The following NAALADL2 variants were observed in gnomAD, a reference collection of about 807,000 sequenced individuals.
The protein encoded by NAALADL2 is inactive N-acetylated-alpha-linked acidic dipeptidase-like protein 2.
NAALADL2 carries 76 observed loss-of-function variants against 87.2 expected under a neutral mutation model. That is an observed-to-expected ratio of 0.87 (90% CI 0.72 to 1.05). The LOEUF (loss-of-function observed/expected upper bound fraction) is 1.05, where lower values mean the gene tolerates loss of function less well. Among genes scored for constraint, NAALADL2 ranks in the 50% least tolerant of loss-of-function variants. NAALADL2 has a pLI of 0.00. For synonymous variants in NAALADL2, 354 were observed against 331.0 expected (o/e 1.07, Z -0.75); for missense variants, 1,089 against 945.8 (o/e 1.15, Z -1.99).
At chr3:175,087,396 G>A (rs9850470) in intron 1 of NAALADL2, among the ~76,000 whole-genome samples, 18,221 of 152,004 alleles carry the variant, frequency 0.12, 1,129 homozygotes, top group African/African-American at 0.18. Flanking sequence ...CCGCCACCCC[G>A]TCTGGGAGGT....
intron 2 of NAALADL2, among the ~76,000 whole-genome samples, chr3:175,131,500 T>C (rs1727861554): frequency 6.6e-6 from 1 of 152,218 alleles, no homozygotes; most frequent in Non-Finnish European, 1.5e-5. Flanking sequence ...ATAATAATTT[T>C]TCTTAGTACA....
intron 5 of NAALADL2, among the ~76,000 whole-genome samples, chr3:175,386,382 G>A (rs1355388082): frequency 6.6e-6 from 1 of 151,762 alleles, no homozygotes; most frequent in East Asian, 1.9e-4. Context: ...TGACCTCTGT[G>A]TCCTCTATAA....
rs1342251446 is a variant in NAALADL2 at position 175,413,026 on chromosome 3, C to G, written c.1091-34203C>G. ...CTCCGCCTCCCGGGTTCATGCCATTCTCCTGCCTCAGCTTCCCACGCCCGG... is the reference window on the plus strand; with the variant it reads ...CTCCGCCTCCCGGGTTCATGCCATTGTCCTGCCTCAGCTTCCCACGCCCGG... On this transcript the variant is annotated intron_variant, in intron 5 of 13. Transcript: ENST00000454872. Among the ~76,000 whole-genome samples, 10 of 150,144 alleles carry G rather than the reference C, an allele frequency of 6.7e-5. No homozygotes were observed. In the East Asian group the frequency reaches 2.1e-3, roughly 31 times the overall value.
At chr3:174,707,359 T>A (rs1330871305) in intron 2 of NAALADL2, among the ~76,000 whole-genome samples, 4 of 152,226 alleles carry the variant, frequency 2.6e-5, no homozygotes, top group South Asian at 4.1e-4. Context: ...ATGTTTATTG[T>A]GGCAATATTC....
chr3:174,700,229 GTTTT>G (rs71624290), intron 2 of NAALADL2, among the ~76,000 whole-genome samples: 1 of 140,440 alleles, frequency 7.1e-6, no homozygotes, highest in Non-Finnish European at 1.5e-5. Flanking sequence ...TTTTGCCACA[GTTTT>G]TTTTTTTTTT....
intron 2 of NAALADL2, among the ~76,000 whole-genome samples, chr3:175,107,474 A>G (rs1349661285): frequency 1.3e-5 from 2 of 151,334 alleles, no homozygotes; most frequent in African/African-American, 2.4e-5. Context: ...AAATAAACCA[A>G]TCTAGCTCTT....
At chr3:175,749,285 G>A (rs1353169619) in intron 12 of NAALADL2, among the ~76,000 whole-genome samples, 2 of 151,782 alleles carry the variant, frequency 1.3e-5, no homozygotes, top group Admixed American at 1.3e-4. Context: ...TTTTCCAGGA[G>A]ATTGGGGAAC....
chr3:175,233,147 G>A (rs1430228155), intron 2 of NAALADL2, among the ~76,000 whole-genome samples: 1 of 152,136 alleles, frequency 6.6e-6, no homozygotes, highest in African/African-American at 2.4e-5. Flanking sequence ...AAAACATTGT[G>A]CTCATAGCAT....
At chr3:174,893,818 A>C (rs962255407) in intron 1 of NAALADL2, among the ~76,000 whole-genome samples, 7 of 152,194 alleles carry the variant, frequency 4.6e-5, no homozygotes, top group African/African-American at 1.7e-4. Flanking sequence ...GAAGACCACA[A>C]AACAGCCAGA....
At chr3:175,206,307 T>C (rs1258283999) in intron 2 of NAALADL2, among the ~76,000 whole-genome samples, 1 of 133,780 alleles carries the variant, frequency 7.5e-6, no homozygotes, top group Non-Finnish European at 1.5e-5. Context: ...TATATATATA[T>C]ATATACACAT....
intron 1 of NAALADL2, among the ~76,000 whole-genome samples, chr3:174,933,076 C>T (rs1474644661): frequency 1.3e-5 from 2 of 152,172 alleles, no homozygotes; most frequent in Non-Finnish European, 2.9e-5. Flanking sequence ...GAGATTGTGC[C>T]ATTGCACTCC....
chr3:175,411,096 T>G (rs1319389155), intron 5 of NAALADL2, among the ~76,000 whole-genome samples: 1 of 152,080 alleles, frequency 6.6e-6, no homozygotes, highest in Non-Finnish European at 1.5e-5. Flanking sequence ...AGAGTGATTA[T>G]AGTCTTAGAA....
intron 5 of NAALADL2, among the ~76,000 whole-genome samples, chr3:175,372,440 A>C (rs186174625): frequency 6.6e-6 from 1 of 152,342 alleles, no homozygotes; most frequent in African/African-American, 2.4e-5. Context: ...CAAAATGAGA[A>C]ATCGAATGAA....
chr3:174,636,539 A>G (rs1343418686), intron 2 of NAALADL2, among the ~76,000 whole-genome samples: 6 of 152,174 alleles, frequency 3.9e-5, no homozygotes, highest in Admixed American at 2.0e-4. Flanking sequence ...AATGGCCAAC[A>G]AGTGTATGAA....
intron 1 of NAALADL2, among the ~76,000 whole-genome samples, chr3:175,029,254 T>C (rs1752547801): frequency 6.6e-6 from 1 of 152,042 alleles, no homozygotes; most frequent in South Asian, 2.1e-4. Context: ...TGTATCTCAT[T>C]CTTTCACGTC....
intron 3 of NAALADL2, among the ~76,000 whole-genome samples, chr3:175,237,997 G>A (rs909875917): frequency 6.6e-6 from 1 of 152,016 alleles, no homozygotes; most frequent in Non-Finnish European, 1.5e-5. Context: ...CTATCAAAGA[G>A]TACTCATTTA....
chr3:174,489,172 A>G (rs568435685), intron 1 of NAALADL2, among the ~76,000 whole-genome samples: 4 of 152,186 alleles, frequency 2.6e-5, no homozygotes, highest in South Asian at 2.1e-4. Context: ...CTTAAATTCT[A>G]TATTATTAAA....
At chr3:175,729,983 G>A (rs983939057) in intron 11 of NAALADL2, among the ~76,000 whole-genome samples, 1 of 151,970 alleles carries the variant, frequency 6.6e-6, no homozygotes, top group African/African-American at 2.4e-5. Context: ...ACTTTAATCT[G>A]GGTATATAAA....
intron 9 of NAALADL2, among the ~76,000 whole-genome samples, chr3:175,499,151 A>G (rs1729204438): frequency 6.6e-6 from 1 of 151,998 alleles, no homozygotes; most frequent in African/African-American, 2.4e-5. Flanking sequence ...GAAAACCCAT[A>G]CCTCAGTGTG....
Sources: allele counts gnomAD v4.1 joint callset (sites outside exome capture counted in the v4.1 genomes callset), GRCh38; gene constraint gnomAD v4.1.1; transcripts MANE v1.5; gene names NCBI Gene and HGNC (gene_info 2026-07-23, HGNC 2026-07-21).